GRIK4: variants seen among roughly 807,000 people sequenced by gnomAD.
GRIK4 encodes the protein glutamate receptor ionotropic, kainate 4.
Under a neutral mutation model 104.9 loss-of-function variants are expected in GRIK4, and 40 were observed. That is an observed-to-expected ratio of 0.38 (90% CI 0.30 to 0.50). The LOEUF is 0.50. GRIK4 is among the 20% of genes least tolerant of loss of function. GRIK4 has a pLI of 0.93. For synonymous variants in GRIK4, 485 were observed against 524.9 expected, an observed-to-expected ratio of 0.92 and a Z score of 1.04; for missense variants, 1,047 against 1,308.1, an observed-to-expected ratio of 0.80 and a Z score of 3.08.
chr11:120,860,010 G>A (rs552434135), intron 8 of GRIK4, among the ~76,000 whole-genome samples: 14 of 152,318 alleles, frequency 9.2e-5, no homozygotes, highest in African/African-American at 3.1e-4. Flanking sequence ...TGCAAGGGTG[G>A]CGCCAGGGGC....
intron 3 of GRIK4, among the ~76,000 whole-genome samples, chr11:120,663,720 C>T (rs111607874): frequency 0.015 from 2,218 of 152,234 alleles, 54 homozygotes; most frequent in African/African-American, 0.048. Context: ...CAGCTTTACC[C>T]ATTCCCCTGC....
intron 11 of GRIK4, among the ~76,000 whole-genome samples, chr11:120,885,950 G>A (rs369899293): frequency 7.2e-5 from 11 of 152,288 alleles, no homozygotes; most frequent in African/African-American, 2.4e-4. Flanking sequence ...TTTGGCAAGA[G>A]GAGTGGTGAG....
chr11:120,720,443 G>T (rs942308477), intron 3 of GRIK4, among the ~76,000 whole-genome samples: 2 of 152,196 alleles, frequency 1.3e-5, no homozygotes, highest in African/African-American at 2.4e-5. Context: ...GCACCTTTGG[G>T]GTGGGGATAA....
At chr11:120,935,975 G>C (rs565723843) in intron 13 of GRIK4, 6 of 198,566 alleles carry the variant, frequency 3.0e-5, no homozygotes, top group African/African-American at 1.4e-4. Flanking sequence ...GTTGTGTATG[G>C]GGGGGTGGGT....
At chr11:120,923,394 C>T (rs149220158) in intron 13 of GRIK4, among the ~76,000 whole-genome samples, 1 of 150,614 alleles carries the variant, frequency 6.6e-6, no homozygotes, top group Non-Finnish European at 1.5e-5. Context: ...TAGGCCCGAT[C>T]CATTTGCTCA....
chr11:120,685,594 C>G (rs1033071424), intron 3 of GRIK4, among the ~76,000 whole-genome samples: 34 of 152,156 alleles, frequency 2.2e-4, no homozygotes, highest in Admixed American at 1.9e-3. Context: ...GGCAGGCCGG[C>G]TTTTTCTCCA....
chr11:120,721,176 A>G (rs760235108), intron 3 of GRIK4, among the ~76,000 whole-genome samples: 27 of 152,142 alleles, frequency 1.8e-4, no homozygotes, highest in Non-Finnish European at 3.7e-4. Flanking sequence ...GTTGGGAGCT[A>G]CGGGGAGTGG....
intron 13 of GRIK4, among the ~76,000 whole-genome samples, chr11:120,917,825 T>C (rs1943144649): frequency 6.6e-6 from 1 of 152,144 alleles, no homozygotes; most frequent in South Asian, 2.1e-4. Flanking sequence ...ACTTATCAGT[T>C]CTTGGGAATT....
chr11:120,890,344 C>T (rs984298819), intron 11 of GRIK4, among the ~76,000 whole-genome samples: 15 of 152,198 alleles, frequency 9.9e-5, no homozygotes, highest in Non-Finnish European at 1.8e-4. Flanking sequence ...CTTGTACCCC[C>T]TGAATCCCCT....
chr11:120,616,959 A>G (rs1357477032), intron 1 of GRIK4, among the ~76,000 whole-genome samples: 1 of 152,172 alleles, frequency 6.6e-6, no homozygotes, highest in Non-Finnish European at 1.5e-5. Flanking sequence ...GAGGCTTAAA[A>G]GCCTCTGCTA....
intron 1 of GRIK4, among the ~76,000 whole-genome samples, chr11:120,559,037 C>G (rs2136100888): frequency 6.6e-6 from 1 of 152,286 alleles, no homozygotes; most frequent in African/African-American, 2.4e-5. Context: ...TATTTAGGAC[C>G]AGGCCAAGGG....
At chr11:120,698,038 G>T (rs1950484203) in intron 3 of GRIK4, among the ~76,000 whole-genome samples, 1 of 152,258 alleles carries the variant, frequency 6.6e-6, no homozygotes, top group South Asian at 2.1e-4. Flanking sequence ...AGGCAGGGGG[G>T]CAGTGTGCCA....
Position 120,819,687 on chromosome 11 carries a change from TCATCCCTCTTTCTTC to T in GRIK4, c.346-66_346-52del, listed in dbSNP as rs1202267141. ...CTCACCCTCCACAACCTCAGCTCAC[TCATCCCTCTTTCTTC>T]CTTTTCACCCACCTGGATCCTCCCT... On this transcript the variant is annotated intron_variant, in intron 5 of 20. Transcript: ENST00000527524. The surrounding 1 kb of genome is among the most constrained non-coding windows in gnomAD (Gnocchi z 4.3). 137 of 1,457,804 alleles carry T rather than the reference TCATCCCTCTTTCTTC, an allele frequency of 9.4e-5. No individual in the cohort carries two copies. The highest frequency in any genetic ancestry group is 1.5e-4 in the Admixed American group (9 of 59,428). 90.3% of individuals were successfully genotyped at this position (1,457,804 alleles called of 1,614,324 possible).
At chr11:120,523,500 C>T (rs1345836163) in intron 1 of GRIK4, among the ~76,000 whole-genome samples, 2 of 152,084 alleles carry the variant, frequency 1.3e-5, no homozygotes, top group Non-Finnish European at 2.9e-5. Flanking sequence ...ATTCCTGGGC[C>T]AATAATGCTG....
At position 120,519,887 on chromosome 11, in the gene GRIK4, T is replaced by G. The variant is rs868205500; in HGVS notation, c.-159+8000T>G. ...CTGGTTTTTTTTTTTTTTGTTTTTTTTTTTGTTGTTGTTGTTTTTTTTTGA... is the reference window on the plus strand; with the variant it reads ...CTGGTTTTTTTTTTTTTTGTTTTTTGTTTTGTTGTTGTTGTTTTTTTTTGA... On this transcript the variant is annotated intron_variant, in intron 1 of 20. Transcript: ENST00000527524. Among the ~76,000 whole-genome samples, 965 of 149,654 alleles carry G rather than the reference T, an allele frequency of 6.4e-3. 5 individuals are homozygous for G. Among genetic ancestry groups the G allele is most frequent in the South Asian group, 0.013 (60 of 4,602 alleles).
intron 8 of GRIK4, among the ~76,000 whole-genome samples, chr11:120,837,332 G>T (rs1953599247): frequency 6.6e-6 from 1 of 152,168 alleles, no homozygotes; most frequent in Non-Finnish European, 1.5e-5. Context: ...ACAGGCCTTT[G>T]TTCTCAGAGT....
At chr11:120,908,434 C>CAT (rs71998429) in intron 13 of GRIK4, among the ~76,000 whole-genome samples, 6 of 20,984 alleles carry the variant, frequency 2.9e-4, no homozygotes, top group African/African-American at 5.6e-4. Flanking sequence ...CACACACACA[C>CAT]ACATACACAC....
chr11:120,831,069 G>A lies in GRIK4; in HGVS notation c.512-783G>A, dbSNP rs558731749. Among the ~76,000 whole-genome samples the A allele has an allele frequency of 5.3e-5, 8 of 152,246 alleles. 1 individual carries two copies. The South Asian group carries it at 1.7e-3, about 32-fold the overall frequency. The stretch of plus-strand genomic sequence containing the variant: ...GAGGGAGGGCAGGGGTAGGTCCTTG[G>A]TGCACAGTCCCTTTTTTCTGTTTTG... On this transcript the variant is annotated intron_variant, in intron 6 of 20. Coordinates refer to ENST00000527524, the MANE Select transcript of GRIK4 (RefSeq NM_014619.5).
chr11:120,699,088 A>T (rs1438745530), intron 3 of GRIK4, among the ~76,000 whole-genome samples: 3 of 152,182 alleles, frequency 2.0e-5, no homozygotes, highest in Non-Finnish European at 4.4e-5. Context: ...CTCTCGTGTC[A>T]TATTTCCCGT....
Sources: allele counts gnomAD v4.1 joint callset (sites outside exome capture counted in the v4.1 genomes callset), GRCh38; gene constraint gnomAD v4.1.1; non-coding constraint Gnocchi (gnomAD v3.1); transcripts MANE v1.5; gene names NCBI Gene and HGNC (gene_info 2026-07-23, HGNC 2026-07-21).